Variants in TTLL7 observed in about 807,000 individuals in gnomAD.
TTLL7 encodes the protein tubulin polyglutamylase TTLL7.
TTLL7 carries 53 observed loss-of-function variants against 120.2 expected under a neutral mutation model. The observed-to-expected ratio is 0.44, with a 90% confidence interval of 0.35 to 0.55. TTLL7 has a LOEUF of 0.55. Among genes scored for constraint, TTLL7 ranks in the 20% least tolerant of loss-of-function variants. TTLL7 has a pLI of 0.00. For missense variants in TTLL7, 803 were observed against 1,054.7 expected (o/e 0.76, Z 3.31); for synonymous variants, 353 against 351.7 (o/e 1.00, Z -0.04).
chr1:83,994,203 A>T (rs1275530524), intron 1 of TTLL7, among the ~76,000 whole-genome samples: 1 of 152,146 alleles, frequency 6.6e-6, no homozygotes, highest in Non-Finnish European at 1.5e-5. Context: ...TTTTGTTTTC[A>T]TTGTTTCAAG....
intron 1 of TTLL7, among the ~76,000 whole-genome samples, chr1:83,991,477 C>A (rs1270504225): frequency 1.3e-5 from 2 of 151,940 alleles, no homozygotes; most frequent in African/African-American, 2.4e-5. Context: ...AAAACCCTGT[C>A]TTTACGAAAA....
intron 18 of TTLL7, among the ~76,000 whole-genome samples, chr1:83,897,143 A>C (rs192243223): frequency 1.3e-5 from 2 of 152,198 alleles, no homozygotes; most frequent in East Asian, 3.9e-4. Context: ...AGCATGTGAA[A>C]GACTCTGTGT....
intron 6 of TTLL7, among the ~76,000 whole-genome samples, chr1:83,942,954 G>T (rs553468706): frequency 6.6e-6 from 1 of 152,086 alleles, no homozygotes; most frequent in Non-Finnish European, 1.5e-5. Context: ...ATCTAGTCTC[G>T]CCATCCACTC....
chr1:83,990,224 G>T (rs1173872230), intron 1 of TTLL7, among the ~76,000 whole-genome samples: 1 of 145,586 alleles, frequency 6.9e-6, no homozygotes, highest in African/African-American at 2.6e-5. Context: ...GCCGGACTGC[G>T]GACTGCAGTG....
At chr1:83,953,726 T>C (rs1649272676) in intron 1 of TTLL7, among the ~76,000 whole-genome samples, 1 of 152,124 alleles carries the variant, frequency 6.6e-6, no homozygotes, top group Non-Finnish European at 1.5e-5. Flanking sequence ...CAAATCAAGG[T>C]AACATGGCTT....
chr1:83,892,393 A>AATATATATGAAC (rs1553128932), intron 18 of TTLL7, among the ~76,000 whole-genome samples: 6,045 of 32,074 alleles, frequency 0.19, 1,685 homozygotes, highest in Non-Finnish European at 0.21. Flanking sequence ...TATATATACG[A>AATATATATGAAC]ATATATATGA....
chr1:83,929,383 C>A (rs994908711), intron 9 of TTLL7, among the ~76,000 whole-genome samples, 153 bp from the exon 10 acceptor site: 1 of 152,132 alleles, frequency 6.6e-6, no homozygotes, highest in Non-Finnish European at 1.5e-5. Context: ...GCCACATCTC[C>A]ATTCTGCATC....
intron 19 of TTLL7, among the ~76,000 whole-genome samples, chr1:83,887,472 G>A (rs993430079): frequency 6.6e-6 from 1 of 151,996 alleles, no homozygotes; most frequent in Admixed American, 6.6e-5. Context: ...AGTACTATGT[G>A]ACTTCACTAA....
At chr1:83,871,621 C>T (rs992151937) in intron 20 of TTLL7, among the ~76,000 whole-genome samples, 1 of 151,602 alleles carries the variant, frequency 6.6e-6, no homozygotes, top group Non-Finnish European at 1.5e-5. Context: ...ATAGGCCGGG[C>T]GCGGTGGCTC....
chr1:83,927,200 G>C (rs1365381485), intron 10 of TTLL7, among the ~76,000 whole-genome samples: 1 of 152,106 alleles, frequency 6.6e-6, no homozygotes, highest in Non-Finnish European at 1.5e-5. Flanking sequence ...CATACTGTAA[G>C]CAAAGCACTG....
intron 5 of TTLL7, 59 bp downstream of exon 5, chr1:83,948,569 C>T: frequency 9.3e-7 from 1 of 1,079,226 alleles, no homozygotes; most frequent in Non-Finnish European, 1.4e-6. Flanking sequence ...GATAGCACTA[C>T]AGTAGTTATG....
intron 1 of TTLL7, among the ~76,000 whole-genome samples, chr1:83,990,262 G>A (rs1025946347): frequency 2.5e-4 from 36 of 143,768 alleles, no homozygotes; most frequent in East Asian, 8.4e-4. Context: ...TGCAAGCTCC[G>A]CTTCCTGGGT....
At chr1:83,952,556 C>G (rs1649157136) in intron 1 of TTLL7, among the ~76,000 whole-genome samples, 169 bp from the exon 2 acceptor site, 1 of 152,072 alleles carries the variant, frequency 6.6e-6, no homozygotes, top group Non-Finnish European at 1.5e-5. Flanking sequence ...GTGATGCTTT[C>G]CTATCCTGAA....
At chr1:83,919,071 C>T (rs1227932252) in intron 13 of TTLL7, among the ~76,000 whole-genome samples, 1 of 152,004 alleles carries the variant, frequency 6.6e-6, no homozygotes, top group East Asian at 1.9e-4. Flanking sequence ...AGTGAAGCTA[C>T]CCTGGATTTC....
At chr1:83,894,493 G>A (rs1020895823) in intron 18 of TTLL7, among the ~76,000 whole-genome samples, 4 of 152,078 alleles carry the variant, frequency 2.6e-5, no homozygotes, top group African/African-American at 9.7e-5. Context: ...GCAAAACACT[G>A]TGCTAGGCAC....
chr1:83,888,467 G>A (rs1175706819), intron 19 of TTLL7, among the ~76,000 whole-genome samples: 1 of 151,978 alleles, frequency 6.6e-6, no homozygotes, highest in Non-Finnish European at 1.5e-5. Flanking sequence ...CAAATGATAT[G>A]AATGATTCTG....
In TTLL7 at chr1:83,890,310, T is replaced by C. The variant is rs1557555021; in HGVS notation, c.2369+11A>G. ...AAAAATGACGATAATAAAAGATGAC[T>C]TAGAGCTTACCCTGAATCACAGAAA... On this transcript the variant is annotated intron_variant, in intron 19 of 20. Coordinates refer to ENST00000260505, the MANE Select transcript of TTLL7 (RefSeq NM_024686.6). The C allele has an allele frequency of 6.2e-7, 1 of 1,603,554 alleles. No homozygotes were observed. Among genetic ancestry groups the C allele is most frequent in the African/African-American group, 1.4e-5 (1 of 74,042 alleles).
intron 1 of TTLL7, among the ~76,000 whole-genome samples, chr1:83,987,317 T>TA (rs1285328094): frequency 6.6e-6 from 1 of 152,006 alleles, no homozygotes; most frequent in African/African-American, 2.4e-5. Context: ...AATGAAGACT[T>TA]AAACACCTGG....
intron 1 of TTLL7, among the ~76,000 whole-genome samples, chr1:83,995,065 T>G (rs1653358185): frequency 6.6e-6 from 1 of 152,148 alleles, no homozygotes; most frequent in East Asian, 1.9e-4. Context: ...TAGTATCTTC[T>G]CTCCTCAGTA....
Sources: gnomAD v4.1 joint callset for allele counts (sites outside exome capture counted in the v4.1 genomes callset) on GRCh38, gnomAD v4.1.1 for gene constraint, MANE v1.5 for transcripts, NCBI Gene and HGNC (gene_info 2026-07-23, HGNC 2026-07-21) for gene names.